The following CLVS1 variants were observed in gnomAD, a reference collection of about 807,000 sequenced individuals.
CLVS1 encodes the protein clavesin-1.
Under a neutral mutation model 33.1 loss-of-function variants are expected in CLVS1, and 10 were observed. The ratio of observed to expected loss-of-function variants is 0.30; its 90% CI spans 0.19 to 0.51. CLVS1 has a LOEUF of 0.51. CLVS1 is among the 20% of genes least tolerant of loss of function. The probability of loss-of-function intolerance (pLI) is 0.97; values close to 1 mark genes in which losing one functional copy is unlikely to be tolerated. For synonymous variants in CLVS1, 163 were observed against 166.1 expected (o/e 0.98, Z 0.14); for missense variants, 343 against 433.4 (o/e 0.79, Z 1.85).
chr8:61,122,941 C>G (rs1805903970), intron 1 of CLVS1, among the ~76,000 whole-genome samples: 1 of 143,900 alleles, frequency 6.9e-6, no homozygotes. Flanking sequence ...TTTTTATAAA[C>G]TGGTAAAAAC....
At chr8:61,309,455 A>G (rs1444774194) in intron 2 of CLVS1, among the ~76,000 whole-genome samples, 1 of 152,210 alleles carries the variant, frequency 6.6e-6, no homozygotes, top group East Asian at 1.9e-4. Flanking sequence ...CAAACCCCTC[A>G]GGCATTAAAT....
the CLVS1 span, among the ~76,000 whole-genome samples, chr8:61,037,549 T>C: frequency 2.0e-5 from 3 of 152,256 alleles, no homozygotes; most frequent in African/African-American, 7.2e-5. Context: ...GACATGCGTG[T>C]TGTTTCCACC....
At chr8:61,452,623 C>T (rs1291742403) in intron 3 of CLVS1, among the ~76,000 whole-genome samples, 1 of 152,124 alleles carries the variant, frequency 6.6e-6, no homozygotes, top group African/African-American at 2.4e-5. Context: ...AGAATCTTTA[C>T]ATTTCTTCAA....
chr8:61,253,105 G>C (rs549522031), intron 2 of CLVS1, among the ~76,000 whole-genome samples: 158 of 152,212 alleles, frequency 1.0e-3, no homozygotes, highest in African/African-American at 3.6e-3. Context: ...AGCTCTTTTA[G>C]GGCAGGCCTG....
At chr8:61,121,219 G>A (rs1032125515) in intron 1 of CLVS1, among the ~76,000 whole-genome samples, 3 of 152,050 alleles carry the variant, frequency 2.0e-5, no homozygotes, top group Non-Finnish European at 2.9e-5. Context: ...GCAATGCCTC[G>A]CCCTGCTTCG....
At chr8:61,435,029 G>C (rs934548735) in intron 3 of CLVS1, among the ~76,000 whole-genome samples, 1 of 152,066 alleles carries the variant, frequency 6.6e-6, no homozygotes, top group Non-Finnish European at 1.5e-5. Flanking sequence ...CAATATATAG[G>C]GTCAAATAAA....
At chr8:61,386,350 C>A (rs1814084186) in intron 3 of CLVS1, among the ~76,000 whole-genome samples, 1 of 152,224 alleles carries the variant, frequency 6.6e-6, no homozygotes, top group Admixed American at 6.5e-5. Context: ...CCCTTCTCAT[C>A]TTCTAATGCT....
chr8:61,421,227 T>C (rs1815651301), intron 3 of CLVS1, among the ~76,000 whole-genome samples: 1 of 152,090 alleles, frequency 6.6e-6, no homozygotes, highest in East Asian at 1.9e-4. Context: ...GCTCAAATCA[T>C]GGACTGAGGG....
intron 3 of CLVS1, among the ~76,000 whole-genome samples, chr8:61,418,502 A>G (rs1209729781): frequency 1.3e-5 from 2 of 152,224 alleles, no homozygotes; most frequent in Non-Finnish European, 2.9e-5. Flanking sequence ...GGCAATACAC[A>G]TTCTATTACT....
intron 2 of CLVS1, among the ~76,000 whole-genome samples, chr8:61,349,003 C>T (rs188868341): frequency 2.0e-5 from 3 of 152,148 alleles, no homozygotes; most frequent in African/African-American, 4.8e-5. Flanking sequence ...ATGTATCTGT[C>T]GGCCATTTGT....
chr8:61,484,732 G>A lies in CLVS1; in HGVS notation c.978-14723G>A, dbSNP rs1803807350. On this transcript the variant is annotated intron_variant, in intron 5 of 5. Coordinates refer to ENST00000325897, the MANE Select transcript of CLVS1 (RefSeq NM_173519.3). Reference sequence around the variant, plus strand: ...CAGTAACCAAAACAGCATGGTACTGGTACCAAAACAGAGATATAGACCAAT... The same window carrying A: ...CAGTAACCAAAACAGCATGGTACTGATACCAAAACAGAGATATAGACCAAT... 3.3e-5 allele frequency among the ~76,000 whole-genome samples: 5 copies of A among 152,280 alleles called. No homozygotes were observed. The South Asian group carries it at 8.3e-4, about 25-fold the overall frequency.
chr8:61,410,611 A>AGATT (rs1361326029), intron 3 of CLVS1, among the ~76,000 whole-genome samples: 4 of 151,968 alleles, frequency 2.6e-5, no homozygotes, highest in Non-Finnish European at 5.9e-5. Flanking sequence ...CCACTCCATC[A>AGATT]GATTGCTTTC....
chr8:61,407,633 A>G (rs544890600), intron 3 of CLVS1, among the ~76,000 whole-genome samples: 2 of 152,378 alleles, frequency 1.3e-5, no homozygotes, highest in Non-Finnish European at 2.9e-5. Context: ...TACAAGTTCC[A>G]CTGATTCTCA....
At chr8:61,180,725 C>G (rs1318597407) in intron 2 of CLVS1, among the ~76,000 whole-genome samples, 1 of 152,108 alleles carries the variant, frequency 6.6e-6, no homozygotes, top group African/African-American at 2.4e-5. Flanking sequence ...ATAAACGAAC[C>G]AAAGACAGAA....
upstream of CLVS1, among the ~76,000 whole-genome samples, chr8:61,053,013 G>A (rs1563385630): frequency 6.6e-6 from 1 of 152,176 alleles, no homozygotes. Context: ...ATTTACTGAT[G>A]GCCTGGATGT....
intron 1 of CLVS1, among the ~76,000 whole-genome samples, chr8:61,059,403 TG>T (rs1804536250): frequency 1.3e-5 from 2 of 148,252 alleles, no homozygotes; most frequent in South Asian, 4.3e-4. Context: ...GAGTGTTGAG[TG>T]TTCTTTATAC....
At chr8:61,272,748 C>T (rs947445567) in intron 2 of CLVS1, among the ~76,000 whole-genome samples, 1 of 152,194 alleles carries the variant, frequency 6.6e-6, no homozygotes, top group Non-Finnish European at 1.5e-5. Flanking sequence ...TTCATTTCAT[C>T]TTCCATCACT....
chr8:61,294,393 T>A (rs1454187297), intron 1 of CLVS1, among the ~76,000 whole-genome samples: 2 of 152,182 alleles, frequency 1.3e-5, no homozygotes, highest in African/African-American at 4.8e-5. Flanking sequence ...AAGTACTCCA[T>A]GAATATTTGT....
chr8:61,262,502 C>G (rs1334040091), intron 2 of CLVS1, among the ~76,000 whole-genome samples: 4 of 151,844 alleles, frequency 2.6e-5, no homozygotes, highest in African/African-American at 9.7e-5. Flanking sequence ...GAGACACTAT[C>G]TCAAAAAAAA....
Sources: gnomAD v4.1 joint callset for allele counts (sites outside exome capture counted in the v4.1 genomes callset) on GRCh38, gnomAD v4.1.1 for gene constraint, MANE v1.5 for transcripts, NCBI Gene and HGNC (gene_info 2026-07-23, HGNC 2026-07-21) for gene names.